The following PTPRD variants were observed in gnomAD, a reference collection of about 807,000 sequenced individuals.
The protein encoded by PTPRD is receptor-type tyrosine-protein phosphatase delta.
PTPRD carries 34 observed loss-of-function variants against 214.5 expected under a neutral mutation model. The ratio of observed to expected loss-of-function variants is 0.16; its 90% confidence interval spans 0.12 to 0.21. The LOEUF is 0.21. Among genes scored for constraint, PTPRD ranks in the 10% least tolerant of loss-of-function variants. The probability of loss-of-function intolerance (pLI) is 1.00; values close to 1 mark genes in which losing one functional copy is unlikely to be tolerated. For synonymous variants in PTPRD, 1,128 were observed against 845.7 expected, an observed-to-expected ratio of 1.33 and a Z score of -5.79; for missense variants, 2,545 against 2,398.7, an observed-to-expected ratio of 1.06 and a Z score of -1.27.
chr9:8,945,528 T>G (rs1328219381), intron 11 of PTPRD, among the ~76,000 whole-genome samples: 2 of 151,994 alleles, frequency 1.3e-5, no homozygotes, highest in Non-Finnish European at 2.9e-5. Context: ...CCTAAAGCAT[T>G]CCATAAAGAT....
At chr9:10,268,455 G>C (rs1013944062) in intron 3 of PTPRD, among the ~76,000 whole-genome samples, 7 of 151,932 alleles carry the variant, frequency 4.6e-5, no homozygotes, top group African/African-American at 1.7e-4. Flanking sequence ...CAGAGAATAC[G>C]ATTCCTTTGA....
chr9:9,531,775 C>A (rs544609827), intron 8 of PTPRD, among the ~76,000 whole-genome samples: 39 of 152,050 alleles, frequency 2.6e-4, no homozygotes, highest in Non-Finnish European at 4.6e-4. Flanking sequence ...CTCTTGGGAG[C>A]AGGATTGCTG....
At position 8,899,536 on chromosome 9, in the gene PTPRD, G is replaced by C. The variant is rs143197436; in HGVS notation, c.-104+119161C>G. 6.4e-4 allele frequency among the ~76,000 whole-genome samples: 98 copies of C among 152,276 alleles called. 1 individual carries two copies. Among genetic ancestry groups the C allele is most frequent in the African/African-American group, 2.3e-3 (95 of 41,574 alleles). ...CTCAAAGCAGAAATTTTCTGGAAAA[G>C]TGCACTAAACAGATTGTTTCCATTT... On this transcript the variant is annotated intron_variant, in intron 11 of 45. Coordinates refer to ENST00000381196, the MANE Select transcript of PTPRD (RefSeq NM_002839.4).
chr9:10,098,126 A>G (rs1469758457), intron 3 of PTPRD, among the ~76,000 whole-genome samples: 1 of 151,852 alleles, frequency 6.6e-6, no homozygotes, highest in Non-Finnish European at 1.5e-5. Context: ...GGATTAAGAA[A>G]ATGTGGCATA....
At chr9:8,978,909 CATGT>C (rs2099287637) in intron 11 of PTPRD, among the ~76,000 whole-genome samples, 1 of 152,120 alleles carries the variant, frequency 6.6e-6, no homozygotes, top group Non-Finnish European at 1.5e-5. Context: ...AGGCAATGCA[CATGT>C]AGTTATTTAG....
intron 11 of PTPRD, among the ~76,000 whole-genome samples, chr9:8,745,244 G>A (rs1183154719): frequency 6.6e-6 from 1 of 152,236 alleles, no homozygotes; most frequent in Admixed American, 6.5e-5. Context: ...AGTAGTCTCA[G>A]AGGAGGGCTT....
rs139299780 is a variant in PTPRD, at chr9:9,486,429, T to C, written c.-237+88303A>G. 1.7e-3 allele frequency among the ~76,000 whole-genome samples: 254 copies of C among 152,264 alleles called. 3 individuals are homozygous for C. The highest frequency in any genetic ancestry group is 5.8e-3 in the African/African-American group (243 of 41,572). ...AAAACAAAACTTCATGTCTTTCAGA[T>C]TTCCAGCATTATTTGATGCTATGGA... is the stretch of plus-strand genomic sequence containing the variant. On this transcript the variant is annotated intron_variant, in intron 8 of 45. Coordinates refer to ENST00000381196, the MANE Select transcript of PTPRD (RefSeq NM_002839.4).
chr9:8,706,586 C>T (rs2098215168), intron 12 of PTPRD, among the ~76,000 whole-genome samples: 1 of 152,118 alleles, frequency 6.6e-6, no homozygotes, highest in African/African-American at 2.4e-5. Flanking sequence ...TATCCCAAGG[C>T]TCTGAACTTG....
intron 2 of PTPRD, among the ~76,000 whole-genome samples, chr9:10,602,416 A>C (rs2078211484): frequency 6.6e-6 from 1 of 151,572 alleles, no homozygotes; most frequent in African/African-American, 2.4e-5. Flanking sequence ...ATTTTATTCA[A>C]CTTTTTAAAA....
chr9:8,724,309 G>T (rs1211020314), intron 12 of PTPRD, among the ~76,000 whole-genome samples: 1 of 152,040 alleles, frequency 6.6e-6, no homozygotes, highest in Non-Finnish European at 1.5e-5. Context: ...CAATCTGTTG[G>T]TGGTTCAGTT....
At chr9:9,962,978 A>G (rs2094460727) in intron 4 of PTPRD, among the ~76,000 whole-genome samples, 2 of 152,054 alleles carry the variant, frequency 1.3e-5, no homozygotes. Flanking sequence ...GTATAGTAGT[A>G]CCATTATAGT....
At chr9:10,277,511 G>C (rs1041196010) in intron 3 of PTPRD, among the ~76,000 whole-genome samples, 1 of 152,128 alleles carries the variant, frequency 6.6e-6, no homozygotes, top group Non-Finnish European at 1.5e-5. Context: ...AATAATCATA[G>C]AGCCTAACAT....
At chr9:8,385,884 G>A (rs530712706) in intron 37 of PTPRD, among the ~76,000 whole-genome samples, 2 of 152,262 alleles carry the variant, frequency 1.3e-5, no homozygotes, top group South Asian at 4.1e-4. Flanking sequence ...GTGCCACACT[G>A]GGAAACGTGG....
intron 3 of PTPRD, among the ~76,000 whole-genome samples, chr9:10,059,129 T>G (rs1178385700): frequency 6.6e-6 from 1 of 152,128 alleles, no homozygotes; most frequent in African/African-American, 2.4e-5. Context: ...GCTAACAGCA[T>G]TATGTGTTGG....
intron 3 of PTPRD, among the ~76,000 whole-genome samples, chr9:10,258,608 T>A (rs906171138): frequency 2.0e-5 from 3 of 152,242 alleles, no homozygotes; most frequent in Non-Finnish European, 4.4e-5. Flanking sequence ...CCAACAATCA[T>A]CTGAATACTC....
intron 4 of PTPRD, among the ~76,000 whole-genome samples, chr9:10,003,696 T>C (rs960937948): frequency 2.0e-5 from 3 of 151,668 alleles, no homozygotes; most frequent in Non-Finnish European, 4.4e-5. Context: ...ATGACAACAA[T>C]AAAACAATTT....
chr9:9,275,367 G>A lies in PTPRD; in HGVS notation c.-202-92004C>T, dbSNP rs1377189806. Among the ~76,000 whole-genome samples the A allele has an allele frequency of 2.7e-5, 4 of 149,072 alleles. No individual in the cohort carries two copies. In the East Asian group the frequency reaches 8.1e-4, roughly 30 times the overall value. ...AAACTTATATTGTAAAATGTCCTTT[G>A]TGTATGTATGTATTTCCCTCAAAAT... On this transcript the variant is annotated intron_variant, in intron 9 of 45. Coordinates refer to ENST00000381196, the MANE Select transcript of PTPRD (RefSeq NM_002839.4).
In PTPRD at chr9:9,593,219, C is replaced by T. The variant is rs1309156084; in HGVS notation, c.-286-18438G>A. ...TTGTTTTTTTTTTGTTTTTGTTTTT[C>T]CCCCCCCTCAAAGAAAAGGGGGATT... On this transcript the variant is annotated intron_variant, in intron 7 of 45. Coordinates refer to ENST00000381196, the MANE Select transcript of PTPRD (RefSeq NM_002839.4). Among the ~76,000 whole-genome samples, 39 of 148,366 alleles carry T rather than the reference C, an allele frequency of 2.6e-4. 1 individual carries two copies. Among genetic ancestry groups the T allele is most frequent in the Admixed American group, 2.6e-3 (38 of 14,870 alleles).
rs553518081 is a variant in PTPRD at position 9,574,692 on chromosome 9, A to G, written c.-237+40T>C. 2.6e-5 allele frequency: 4 copies of G among 152,190 alleles called. No homozygotes were observed. The East Asian group carries it at 7.7e-4, about 29-fold the overall frequency. The allele number at this position is 152,190 out of a possible 1,614,324, so 9.4% of individuals were successfully genotyped here. On this transcript the variant is annotated intron_variant, in intron 8 of 45. Transcript: ENST00000381196. The stretch of plus-strand genomic sequence containing the variant: ...TGGACATGATCAAAAAGCGGTAATG[A>G]AAATAACTCTAAAATTAGGTAAATT...
Sources: allele counts gnomAD v4.1 joint callset (sites outside exome capture counted in the v4.1 genomes callset), GRCh38; gene constraint gnomAD v4.1.1; transcripts MANE v1.5; gene names NCBI Gene and HGNC (gene_info 2026-07-23, HGNC 2026-07-21).